Variants in KCNH8 observed in about 807,000 individuals in gnomAD.
KCNH8 encodes the protein voltage-gated delayed rectifier potassium channel KCNH8.
Under a neutral mutation model 103.6 loss-of-function variants are expected in KCNH8, and 70 were observed. That is an observed-to-expected ratio of 0.68 (90% CI 0.56 to 0.82). KCNH8 has a LOEUF of 0.82. Ranked by LOEUF, KCNH8 falls within the 40% of genes least tolerant of loss-of-function variation. KCNH8 has a pLI of 0.00. For missense variants in KCNH8, 1,217 were observed against 1,329.9 expected (o/e 0.92, Z 1.32); for synonymous variants, 498 against 489.4 (o/e 1.02, Z -0.23).
chr3:19,434,337 T>G (rs1029154998), intron 7 of KCNH8, among the ~76,000 whole-genome samples: 1 of 152,326 alleles, frequency 6.6e-6, no homozygotes, highest in Admixed American at 6.5e-5. Context: ...TTGCTCTTAT[T>G]AAGTATTTGT....
At chr3:19,328,034 A>AT (rs1056177675) in intron 3 of KCNH8, among the ~76,000 whole-genome samples, 2 of 151,674 alleles carry the variant, frequency 1.3e-5, no homozygotes, top group Admixed American at 6.6e-5. Flanking sequence ...TCTCTGTCTC[A>AT]TTTTTTTTCT....
intron 3 of KCNH8, among the ~76,000 whole-genome samples, chr3:19,317,017 T>C (rs1264975025): frequency 6.6e-6 from 1 of 151,898 alleles, no homozygotes; most frequent in Non-Finnish European, 1.5e-5. Flanking sequence ...CCTGTATTCA[T>C]TCCTGACTAC....
intron 11 of KCNH8, among the ~76,000 whole-genome samples, chr3:19,473,452 T>G (rs934571354): frequency 3.3e-5 from 5 of 152,196 alleles, no homozygotes; most frequent in Non-Finnish European, 7.3e-5. Context: ...ATCCATTTAT[T>G]AAATAACCCT....
intron 3 of KCNH8, among the ~76,000 whole-genome samples, chr3:19,321,423 G>A (rs1386284086): frequency 1.3e-5 from 2 of 150,558 alleles, no homozygotes; most frequent in African/African-American, 2.5e-5. Flanking sequence ...TTTACATCTT[G>A]ATTTCATTGT....
At chr3:19,270,618 GA>G (rs2125265932) in intron 2 of KCNH8, among the ~76,000 whole-genome samples, 1 of 152,162 alleles carries the variant, frequency 6.6e-6, no homozygotes, top group East Asian at 1.9e-4. Flanking sequence ...TTTTAGGAGA[GA>G]AGCAGTAAGT....
At chr3:19,529,054 A>AT (rs1334128494) in intron 15 of KCNH8, among the ~76,000 whole-genome samples, 14 of 152,164 alleles carry the variant, frequency 9.2e-5, no homozygotes, top group Admixed American at 2.6e-4. Flanking sequence ...GTCAGAAGGA[A>AT]TAGCATGCAC....
At chr3:19,271,524 A>G (rs944432579) in intron 2 of KCNH8, among the ~76,000 whole-genome samples, 1 of 152,196 alleles carries the variant, frequency 6.6e-6, no homozygotes, top group Non-Finnish European at 1.5e-5. Context: ...ACTTTAAGAT[A>G]TATTAAAACT....
chr3:19,200,511 CTT>C (rs764002269), intron 1 of KCNH8, among the ~76,000 whole-genome samples: 2 of 144,882 alleles, frequency 1.4e-5, no homozygotes, highest in African/African-American at 2.5e-5. Context: ...TGATTTCCAC[CTT>C]TTTTTTTTTT....
At chr3:19,498,924 G>C (rs1243962575) in intron 11 of KCNH8, among the ~76,000 whole-genome samples, 1 of 152,116 alleles carries the variant, frequency 6.6e-6, no homozygotes, top group Non-Finnish European at 1.5e-5. Flanking sequence ...CACTTGAGGA[G>C]GCAGTCTGCC....
rs1237339782 is a variant in KCNH8, at chr3:19,239,681, T to TCTAC, written c.77-13961_77-13958dup. On this transcript the variant is annotated intron_variant, in intron 1 of 15. Transcript: ENST00000328405. ...ATCTATCTATCTATCTATCTATCTA[T>TCTAC]CTACCTACCTACCTATCTATCTAAG... 8.6e-3 allele frequency among the ~76,000 whole-genome samples: 1,188 copies of TCTAC among 138,550 alleles called. 16 individuals are homozygous for TCTAC. The highest frequency in any genetic ancestry group is 0.025 in the African/African-American group (952 of 38,648). The allele number at this position is 138,550 out of a possible 152,430, so 90.9% of individuals were successfully genotyped here. A position where few individuals can be genotyped will look rare whatever the true frequency, so the allele number is the denominator to read the frequency against.
chr3:19,436,727 C>G (rs574376839), intron 7 of KCNH8, among the ~76,000 whole-genome samples: 1 of 152,170 alleles, frequency 6.6e-6, no homozygotes, highest in South Asian at 2.1e-4. Flanking sequence ...GACACACCAT[C>G]TCACACATGT....
intron 1 of KCNH8, among the ~76,000 whole-genome samples, chr3:19,197,701 C>T (rs2125214956): frequency 6.6e-6 from 1 of 151,630 alleles, no homozygotes; most frequent in South Asian, 2.1e-4. Flanking sequence ...GTGAGAGTTC[C>T]TATGTAATTG....
chr3:19,513,116 T>C lies in KCNH8; in HGVS notation c.2226T>C (p.Val742=), dbSNP rs778108273. 7 of 1,613,772 alleles carry C rather than the reference T, an allele frequency of 4.3e-6. No individual in the cohort carries two copies. In the East Asian group the frequency reaches 1.1e-4, roughly 26 times the overall value. ...TRGSSSRNKK[V]GSNKAYLGLS... is the part of the protein sequence containing the mutation. ...GATCTTCTTCGCGCAACAAGAAGGT[T>C]GGAAGCAATAAAGCCTACCTGGGCT... Residue 742 remains valine, a synonymous_variant, in exon 13 of 16, where the codon GTT becomes GTC. Coordinates refer to ENST00000328405, the MANE Select transcript of KCNH8 (RefSeq NM_144633.3).
chr3:19,527,607 A>G (rs2069087580), intron 15 of KCNH8, among the ~76,000 whole-genome samples: 1 of 152,114 alleles, frequency 6.6e-6, no homozygotes, highest in South Asian at 2.1e-4. Flanking sequence ...TAGGGCAACA[A>G]TAACTATTTC....
chr3:19,469,652 A>G (rs2067814476), intron 11 of KCNH8, among the ~76,000 whole-genome samples: 1 of 152,138 alleles, frequency 6.6e-6, no homozygotes, highest in South Asian at 2.1e-4. Flanking sequence ...TAGATTCAGA[A>G]GTGATTGTGG....
chr3:19,166,438 T>G (rs948879381), intron 1 of KCNH8, among the ~76,000 whole-genome samples: 1 of 152,216 alleles, frequency 6.6e-6, no homozygotes, highest in African/African-American at 2.4e-5. Context: ...AGCCTACTTT[T>G]ACAAGAATAT....
Position 19,533,757 on chromosome 3 carries a change from A to AAT in KCNH8, c.2982_2983insAT (p.Pro995IlefsTer16). On this transcript the variant is annotated frameshift_variant, in exon 16 of 16. Transcript: ENST00000328405. LOFTEE classifies it high-confidence loss of function. ...ATCATTCTCCAAGCCTTGATTATTCACCTTCCCACTACCAGGTTGTCCAAG... is the reference window on the plus strand; with the variant it reads ...ATCATTCTCCAAGCCTTGATTATTCAATCCTTCCCACTACCAGGTTGTCCAAG... 1 of 1,614,014 alleles carries AAT rather than the reference A, an allele frequency of 6.2e-7. No homozygotes were observed. Among genetic ancestry groups the AAT allele is most frequent in the South Asian group, 1.1e-5 (1 of 91,074 alleles).
At chr3:19,389,254 G>A (rs986158076) in intron 5 of KCNH8, among the ~76,000 whole-genome samples, 4 of 152,124 alleles carry the variant, frequency 2.6e-5, no homozygotes, top group African/African-American at 9.7e-5. Flanking sequence ...GAATTCAAAA[G>A]GCTGACATCA....
At chr3:19,309,688 G>T (rs929193477) in intron 3 of KCNH8, among the ~76,000 whole-genome samples, 54 of 151,922 alleles carry the variant, frequency 3.6e-4, no homozygotes, top group African/African-American at 1.1e-3. Context: ...ATGAAGGAAA[G>T]AATTTTCAAA....
Sources: allele counts gnomAD v4.1 joint callset (sites outside exome capture counted in the v4.1 genomes callset), GRCh38; gene constraint gnomAD v4.1.1; transcripts MANE v1.5; gene names NCBI Gene and HGNC (gene_info 2026-07-23, HGNC 2026-07-21).